The following TJAP1 variants were observed in gnomAD, a reference collection of about 807,000 sequenced individuals.
TJAP1 encodes the protein tight junction-associated protein 1.
In TJAP1, 27 loss-of-function variants were observed where a neutral mutation model predicts 42.0. That is an observed-to-expected ratio of 0.64 (90% CI 0.47 to 0.89). TJAP1 has a LOEUF of 0.89. Among genes scored for constraint, TJAP1 ranks in the 40% least tolerant of loss-of-function variants. The pLI, the probability that TJAP1 is intolerant of heterozygous loss-of-function variation, is 0.00. For synonymous variants in TJAP1, 257 were observed against 288.4 expected, an observed-to-expected ratio of 0.89 and a Z score of 1.10; for missense variants, 712 against 726.9, an observed-to-expected ratio of 0.98 and a Z score of 0.24.
intron 3 of TJAP1, among the ~76,000 whole-genome samples, chr6:43,498,697 T>C (rs958010058): frequency 2.0e-5 from 3 of 152,212 alleles, no homozygotes; most frequent in Non-Finnish European, 4.4e-5. Context: ...GCTTTGAAGC[T>C]CCCTGTCCCA....
At chr6:43,502,205 C>G (rs1210526928) in intron 6 of TJAP1, 78 bp from the exon 7 acceptor site, 1 of 1,448,898 alleles carries the variant, frequency 6.9e-7, no homozygotes, top group Non-Finnish European at 9.6e-7. Context: ...TGTTCAAGAT[C>G]CCCTATCGGG....
chr6:43,490,899 G>A (rs1014194922), intron 2 of TJAP1, among the ~76,000 whole-genome samples: 3 of 152,240 alleles, frequency 2.0e-5, no homozygotes, highest in Non-Finnish European at 2.9e-5. Context: ...AAGCTCCCAC[G>A]CAGTCCCTTC....
chr6:43,505,582 T>A lies in TJAP1; in HGVS notation c.1401T>A (p.Ser467Arg). 6.2e-7 allele frequency: 1 copy of A among 1,613,350 alleles called. No individual in the cohort carries two copies. The highest frequency in any genetic ancestry group is 8.5e-7 in the Non-Finnish European group (1 of 1,179,958). Residue 467 changes from serine (S) to arginine (R), a missense_variant, in exon 11 of 11, where the codon AGT becomes AGA. By Grantham distance (110) the Ser-to-Arg change is moderately radical (BLOSUM62 -1). This residue lies in a region of TJAP1 where 549 missense variants were observed against 528.2 expected (regional missense o/e 1.04). Transcript: ENST00000372449. The surrounding 1 kb of genome is among the most constrained non-coding windows in gnomAD (Gnocchi z 5.5). ...CACCTTCTGCCCGACCCGAAGAGAG[T>A]GAGCTTTTGCTACCCACAGAACCTG...
chr6:43,501,707 G>GACACACACAC lies in TJAP1; in HGVS notation c.290+63_290+72dup, dbSNP rs70990192. ...CCGCAGGTGTGGGAATGAGGGGCCA[G>GACACACACAC]ACACACACACACACACACACACACA... On this transcript the variant is annotated intron_variant, in intron 6 of 10. Coordinates refer to ENST00000372449, the Ensembl canonical transcript of TJAP1. The GACACACACAC allele has an allele frequency of 7.2e-4, 412 of 571,686 alleles. 1 individual carries two copies. The highest frequency in any genetic ancestry group is 3.1e-3 in the South Asian group (171 of 55,356). The allele number at this position is 571,686 out of a possible 1,614,324, so 35.4% of individuals were successfully genotyped here. A position where few individuals can be genotyped will look rare whatever the true frequency, so the allele number is the denominator to read the frequency against.
At chr6:43,486,064 T>G (rs1165223343) in intron 2 of TJAP1, among the ~76,000 whole-genome samples, 1 of 151,396 alleles carries the variant, frequency 6.6e-6, no homozygotes, top group Non-Finnish European at 1.5e-5. Flanking sequence ...CTCCGCCTCC[T>G]GGGTTCAAGC....
chr6:43,491,376 C>T lies in TJAP1; in HGVS notation c.-121-6505C>T, dbSNP rs993496304. On this transcript the variant is annotated intron_variant, in intron 2 of 10. Transcript: ENST00000372449. This position sits in a 1 kb window ranked among gnomAD's most constrained non-coding sequence, Gnocchi z 4.6. ...CACGATCTCGGCTTTCTGCAACCTC[C>T]GCCTCCCAGGTTTAAGCGATTCTCT... Among the ~76,000 whole-genome samples the T allele has an allele frequency of 6.6e-6, 1 of 152,056 alleles. No homozygotes were observed. The highest frequency in any genetic ancestry group is 1.5e-5 in the Non-Finnish European group (1 of 68,008).
intron 4 of TJAP1, among the ~76,000 whole-genome samples, chr6:43,499,544 C>G (rs1365799736): frequency 1.3e-5 from 2 of 152,226 alleles, no homozygotes; most frequent in African/African-American, 4.8e-5. Context: ...AAGTCCAGCC[C>G]TTCCTCCAGC....
At position 43,491,299 on chromosome 6, in the gene TJAP1, G is replaced by GT. The variant is rs920080336; in HGVS notation, c.-121-6574dup. Among the ~76,000 whole-genome samples, 68 of 151,998 alleles carry GT rather than the reference G, an allele frequency of 4.5e-4. No homozygotes were observed. Among genetic ancestry groups the GT allele is most frequent in the African/African-American group, 1.5e-3 (61 of 41,480 alleles). On this transcript the variant is annotated intron_variant, in intron 2 of 10. Coordinates refer to ENST00000372449, the Ensembl canonical transcript of TJAP1. The surrounding 1 kb of genome is among the most constrained non-coding windows in gnomAD (Gnocchi z 4.6). Reference sequence around the variant, plus strand: ...CAGAAATATCTGTTTGTTTTTTTGGGTTTTTTTTGAGACAGAGTTTCGCTC... The same window carrying GT: ...CAGAAATATCTGTTTGTTTTTTTGGGTTTTTTTTTGAGACAGAGTTTCGCTC...
chr6:43,504,749 C>G lies in TJAP1; in HGVS notation c.580-12C>G, dbSNP rs1187938854. ...ATCATTGATGTCTCTCTTTCCTGCT[C>G]TTTTACCTCAGCTGCCCTGTGAGCT... is the stretch of plus-strand genomic sequence containing the variant. On this transcript the variant is annotated splice_polypyrimidine_tract_variant and intron_variant, in intron 10 of 10. Transcript: ENST00000372449. The G allele has an allele frequency of 6.2e-7, 1 of 1,605,738 alleles. No homozygotes were observed. The highest frequency in any genetic ancestry group is 8.5e-7 in the Non-Finnish European group (1 of 1,173,752).
rs989496089 is a variant in TJAP1 at position 43,495,560 on chromosome 6, T to G, written c.-121-2321T>G. On this transcript the variant is annotated intron_variant, in intron 2 of 10. Coordinates refer to ENST00000372449, the Ensembl canonical transcript of TJAP1. This position sits in a 1 kb window ranked among gnomAD's most constrained non-coding sequence, Gnocchi z 4.6. ...TGGTGGATTGTCTTCCCAGTGGGCATTGCCTTCTGCTTCCTTAGTTGGGAG... is the reference window on the plus strand; with the variant it reads ...TGGTGGATTGTCTTCCCAGTGGGCAGTGCCTTCTGCTTCCTTAGTTGGGAG... Among the ~76,000 whole-genome samples, 4 of 152,200 alleles carry G rather than the reference T, an allele frequency of 2.6e-5. No homozygotes were observed. Among genetic ancestry groups the G allele is most frequent in the African/African-American group, 9.7e-5 (4 of 41,440 alleles).
intron 4 of TJAP1, 87 bp from the exon 5 acceptor site, chr6:43,500,657 T>G: frequency 1.3e-6 from 2 of 1,492,598 alleles, no homozygotes; most frequent in Non-Finnish European, 1.9e-6. Context: ...GCTTCACACC[T>G]GAGCCTTCTT....
intron 2 of TJAP1, among the ~76,000 whole-genome samples, chr6:43,478,968 CTT>C (rs1376175573): frequency 6.6e-6 from 1 of 152,194 alleles, no homozygotes; most frequent in Non-Finnish European, 1.5e-5. Flanking sequence ...GGAACTTGCT[CTT>C]TTCTTTTCTG....
intron 2 of TJAP1, among the ~76,000 whole-genome samples, chr6:43,485,805 A>G (rs1786332235): frequency 6.6e-6 from 1 of 152,240 alleles, no homozygotes; most frequent in Non-Finnish European, 1.5e-5. Context: ...GATGGAATCT[A>G]TCTGGCAAAA....
intron 2 of TJAP1, among the ~76,000 whole-genome samples, chr6:43,482,346 T>A (rs937480693): frequency 6.6e-6 from 1 of 152,192 alleles, no homozygotes; most frequent in African/African-American, 2.4e-5. Flanking sequence ...AGCCAATCCC[T>A]TCACTTCCTT....
intron 2 of TJAP1, among the ~76,000 whole-genome samples, chr6:43,484,383 C>T (rs1228612900): frequency 6.6e-5 from 10 of 152,184 alleles, no homozygotes; most frequent in South Asian, 2.1e-4. Flanking sequence ...CGCTTGAACC[C>T]GGGAGGTGGA....
In TJAP1 at chr6:43,502,821, A is replaced by G. The variant is rs1791274162; in HGVS notation, c.387+204A>G. Reference sequence around the variant, plus strand: ...AGCCTGCTCTGCCCTTGGCTCTGGTAGAGGTACTGATTGATGTCTCCACTG... The same window carrying G: ...AGCCTGCTCTGCCCTTGGCTCTGGTGGAGGTACTGATTGATGTCTCCACTG... On this transcript the variant is annotated intron_variant, in intron 8 of 10. Transcript: ENST00000372449. 11 of 646,448 alleles carry G rather than the reference A, an allele frequency of 1.7e-5. No individual in the cohort carries two copies. The South Asian group carries it at 2.0e-4, about 12-fold the overall frequency. 40.0% of individuals were successfully genotyped at this position (646,448 alleles called of 1,614,324 possible).
At chr6:43,489,661 A>G (rs899756728) in intron 2 of TJAP1, 3 of 152,136 alleles carry the variant, frequency 2.0e-5, no homozygotes, top group African/African-American at 7.2e-5. Flanking sequence ...CCCTTCTCCA[A>G]CAGCCGTCCT....
chr6:43,500,111 T>G (rs745835721), intron 4 of TJAP1, among the ~76,000 whole-genome samples: 3 of 152,176 alleles, frequency 2.0e-5, no homozygotes, highest in African/African-American at 4.8e-5. Flanking sequence ...TGTTTCCCTC[T>G]CGCGATAGCA....
intron 2 of TJAP1, among the ~76,000 whole-genome samples, chr6:43,496,088 A>T (rs985391380): frequency 1.3e-5 from 2 of 152,090 alleles, no homozygotes; most frequent in African/African-American, 4.8e-5. Flanking sequence ...TGGGGAGCAC[A>T]TGGGGGAAGG....
Sources: gnomAD v4.1 joint callset for allele counts (sites outside exome capture counted in the v4.1 genomes callset) on GRCh38, gnomAD v4.1.1 for gene constraint, gnomAD v4.1.1 regional missense constraint, Gnocchi (gnomAD v3.1) non-coding constraint, MANE v1.5 for transcripts, NCBI Gene and HGNC (gene_info 2026-07-23, HGNC 2026-07-21) for gene names.